PTPRD: variants seen among roughly 807,000 people sequenced by gnomAD.
PTPRD encodes the protein receptor-type tyrosine-protein phosphatase delta.
In PTPRD, 34 loss-of-function variants were observed where a neutral mutation model predicts 214.5. The ratio of observed to expected loss-of-function variants is 0.16; its 90% CI spans 0.12 to 0.21. The LOEUF is 0.21. Ranked by LOEUF, PTPRD falls within the 10% of genes least tolerant of loss-of-function variation. The pLI, the probability that PTPRD is intolerant of heterozygous loss-of-function variation, is 1.00. For missense variants in PTPRD, 2,545 were observed against 2,398.7 expected, an observed-to-expected ratio of 1.06 and a Z score of -1.27; for synonymous variants, 1,128 against 845.7, an observed-to-expected ratio of 1.33 and a Z score of -5.79.
intron 43 of PTPRD, among the ~76,000 whole-genome samples, chr9:8,335,260 C>A (rs1007224755): frequency 1.3e-5 from 2 of 150,642 alleles, no homozygotes; most frequent in Non-Finnish European, 3.0e-5. Flanking sequence ...ACTGGCAAAC[C>A]GAATCCAGCA....
intron 7 of PTPRD, among the ~76,000 whole-genome samples, chr9:9,586,715 G>C (rs911985893): frequency 2.0e-5 from 3 of 151,924 alleles, no homozygotes; most frequent in African/African-American, 4.8e-5. Flanking sequence ...TATAGTCAGA[G>C]AACATCTAAA....
chr9:9,349,590 G>GTTT (rs34166604), intron 9 of PTPRD, among the ~76,000 whole-genome samples: 4 of 145,880 alleles, frequency 2.7e-5, no homozygotes, highest in Non-Finnish European at 4.5e-5. Context: ...ATTTCTCTAA[G>GTTT]TTTTTTTTTT....
chr9:9,446,949 T>C (rs1015862271), intron 8 of PTPRD, among the ~76,000 whole-genome samples: 5 of 151,962 alleles, frequency 3.3e-5, no homozygotes, highest in African/African-American at 1.2e-4. Flanking sequence ...GAAATGCAAA[T>C]CAAAACCACA....
chr9:8,583,197 A>C (rs1433881464), intron 14 of PTPRD, among the ~76,000 whole-genome samples: 1 of 152,152 alleles, frequency 6.6e-6, no homozygotes, highest in Non-Finnish European at 1.5e-5. Flanking sequence ...GCCTCCACTG[A>C]TCTGACAGGA....
At chr9:9,504,502 C>T (rs1056319417) in intron 8 of PTPRD, among the ~76,000 whole-genome samples, 1 of 151,654 alleles carries the variant, frequency 6.6e-6, no homozygotes, top group African/African-American at 2.4e-5. Context: ...AAGAAACTCA[C>T]TTCAGCACAA....
At chr9:8,350,754 CTGTCTAA>C in intron 39 of PTPRD, among the ~76,000 whole-genome samples, 1 of 150,550 alleles carries the variant, frequency 6.6e-6, no homozygotes, top group African/African-American at 2.4e-5. Context: ...AAATATTCAG[CTGTCTAA>C]CTTTTATATA....
intron 8 of PTPRD, among the ~76,000 whole-genome samples, chr9:9,482,134 G>A (rs948798776): frequency 6.6e-6 from 1 of 151,946 alleles, no homozygotes; most frequent in African/African-American, 2.4e-5. Context: ...AGACAGGTGG[G>A]CGAGGTTGGG....
At chr9:8,352,679 G>A (rs1330738952) in intron 39 of PTPRD, among the ~76,000 whole-genome samples, 2 of 152,184 alleles carry the variant, frequency 1.3e-5, no homozygotes, top group East Asian at 3.9e-4. Context: ...GATTCAAAGA[G>A]AGGAGCCACT....
rs3050038 is a variant in PTPRD, at chr9:9,758,148, C to CAAAAAAAAAA, written c.-326+8652_-326+8661dup. On this transcript the variant is annotated intron_variant, in intron 6 of 45. Transcript: ENST00000381196. ...GTTCACATCTCAAGAGTAAAAATGG[C>CAAAAAAAAAA]AAAAAAAAAAAAAAATTGTATTCTC... Among the ~76,000 whole-genome samples the CAAAAAAAAAA allele has an allele frequency of 0.016, 1,878 of 114,288 alleles. 99 individuals carry two copies. The East Asian group carries it at 0.21, about 13-fold the overall frequency. The allele number at this position is 114,288 out of a possible 152,430, so 75.0% of individuals were successfully genotyped here.
intron 14 of PTPRD, among the ~76,000 whole-genome samples, chr9:8,529,248 G>A (rs998162150): frequency 2.0e-5 from 3 of 152,046 alleles, no homozygotes; most frequent in African/African-American, 7.2e-5. Flanking sequence ...AGCCAACAGT[G>A]CCAGCTTGGA....
intron 10 of PTPRD, among the ~76,000 whole-genome samples, chr9:9,040,819 G>A (rs576096894): frequency 6.6e-6 from 1 of 152,276 alleles, no homozygotes; most frequent in Non-Finnish European, 1.5e-5. Context: ...TGCAGCTAAT[G>A]TTGCTTGCTG....
intron 2 of PTPRD, among the ~76,000 whole-genome samples, chr9:10,560,754 G>T (rs1211408578): frequency 6.6e-6 from 1 of 152,186 alleles, no homozygotes; most frequent in South Asian, 2.1e-4. Flanking sequence ...ACATTTAAAT[G>T]AAGTATGAAC....
intron 36 of PTPRD, among the ~76,000 whole-genome samples, chr9:8,403,685 A>G (rs1193752861): frequency 6.6e-6 from 1 of 152,200 alleles, no homozygotes; most frequent in Non-Finnish European, 1.5e-5. Flanking sequence ...TGCCCTCTGG[A>G]ACACACTCCT....
intron 9 of PTPRD, among the ~76,000 whole-genome samples, chr9:9,367,357 TA>T (rs1396714715): frequency 1.3e-5 from 2 of 151,614 alleles, no homozygotes; most frequent in African/African-American, 4.8e-5. Context: ...AAAATATACA[TA>T]TTTTGAAAAA....
At chr9:10,511,934 G>GTATA (rs201595111) in intron 2 of PTPRD, among the ~76,000 whole-genome samples, 1 of 62,856 alleles carries the variant, frequency 1.6e-5, no homozygotes, top group African/African-American at 5.9e-5. Context: ...ATATATACGT[G>GTATA]TATATATATA....
At chr9:9,712,573 C>T (rs2097756941) in intron 7 of PTPRD, among the ~76,000 whole-genome samples, 1 of 152,140 alleles carries the variant, frequency 6.6e-6, no homozygotes, top group Non-Finnish European at 1.5e-5. Context: ...CAAACTCAAA[C>T]AATGGCAGAC....
chr9:8,325,044 G>C lies in PTPRD; in HGVS notation c.5535-5078C>G, dbSNP rs563756877. Among the ~76,000 whole-genome samples the C allele has an allele frequency of 7.9e-4, 119 of 151,120 alleles. 2 individuals are homozygous for C. Among genetic ancestry groups the C allele is most frequent in the African/African-American group, 2.6e-3 (108 of 40,966 alleles). On this transcript the variant is annotated intron_variant, in intron 44 of 45. Coordinates refer to ENST00000381196, the MANE Select transcript of PTPRD (RefSeq NM_002839.4). ...AGCAAAAATTTCCTCCCATTCTGTA[G>C]GTTGCCTGTTCACTCTGATGGTAGT...
rs71317383 is a variant in PTPRD at position 8,933,340 on chromosome 9, G to GTTTTTTTTTTTTTTTTTTTTTTTTTTTT, written c.-104+85356_-104+85357insAAAAAAAAAAAAAAAAAAAAAAAAAAAA. On this transcript the variant is annotated intron_variant, in intron 11 of 45. Transcript: ENST00000381196. The stretch of plus-strand genomic sequence containing the variant: ...CCATCTTGCCAGCCACAACCTTGAG[G>GTTTTTTTTTTTTTTTTTTTTTTTTTTTT]TTTTTTTTTTTTTTTTTTTTTTTAC... Among the ~76,000 whole-genome samples, 40 of 80,410 alleles carry GTTTTTTTTTTTTTTTTTTTTTTTTTTTT rather than the reference G, an allele frequency of 5.0e-4. 4 individuals carry two copies. Among genetic ancestry groups the GTTTTTTTTTTTTTTTTTTTTTTTTTTTT allele is most frequent in the African/African-American group, 1.0e-3 (20 of 19,762 alleles). 52.8% of individuals were successfully genotyped at this position (80,410 alleles called of 152,430 possible). A position where few individuals can be genotyped will look rare whatever the true frequency, so the allele number is the denominator to read the frequency against.
rs182665637 is a variant in PTPRD at position 9,965,648 on chromosome 9, A to G, written c.-471-27038T>C. On this transcript the variant is annotated intron_variant, in intron 4 of 45. Coordinates refer to ENST00000381196, the MANE Select transcript of PTPRD (RefSeq NM_002839.4). Reference sequence around the variant, plus strand: ...TCCTCTGACCTAATACTTGTTTCCTAAGAATTATCTGGAGCCACACAGATG... The same window carrying G: ...TCCTCTGACCTAATACTTGTTTCCTGAGAATTATCTGGAGCCACACAGATG... Among the ~76,000 whole-genome samples the G allele has an allele frequency of 2.6e-3, 396 of 152,292 alleles. 2 individuals carry two copies. Among genetic ancestry groups the G allele is most frequent in the African/African-American group, 9.0e-3 (373 of 41,562 alleles).
Sources: allele counts gnomAD v4.1 joint callset (sites outside exome capture counted in the v4.1 genomes callset), GRCh38; gene constraint gnomAD v4.1.1; transcripts MANE v1.5; gene names NCBI Gene and HGNC (gene_info 2026-07-23, HGNC 2026-07-21).